Variants in NBAS observed in about 807,000 individuals in gnomAD.
NBAS encodes NAG/BC035112 fusion.
NBAS carries 219 observed loss-of-function variants against 302.5 expected under a neutral mutation model. That is an observed-to-expected ratio of 0.72 (90% CI 0.65 to 0.81). NBAS has a LOEUF of 0.81. Among genes scored for constraint, NBAS ranks in the 30% least tolerant of loss-of-function variants. The pLI, the probability that NBAS is intolerant of heterozygous loss-of-function variation, is 0.00. For missense variants in NBAS, 2,932 were observed against 2,841.6 expected, an observed-to-expected ratio of 1.03 and a Z score of -0.72; for synonymous variants, 1,118 against 1,021.6, an observed-to-expected ratio of 1.09 and a Z score of -1.80.
chr2:15,056,834 T>C, the NBAS span, among the ~76,000 whole-genome samples: 101 of 40,876 alleles, frequency 2.5e-3, no homozygotes, highest in African/African-American at 0.039. Context: ...TTTTTTTTTC[T>C]TTTTTTTTTT....
At position 15,521,935 on chromosome 2, in the gene NBAS, C is replaced by T. The variant is rs368099735; in HGVS notation, c.747-10585G>A. Reference sequence around the variant, plus strand: ...TATAGCAGAGACCATATGGCCTGCACAGTCTAAAATATTTACAATCTGCCC... The same window carrying T: ...TATAGCAGAGACCATATGGCCTGCATAGTCTAAAATATTTACAATCTGCCC... On this transcript the variant is annotated intron_variant, in intron 9 of 51. Transcript: ENST00000281513. Among the ~76,000 whole-genome samples, 9 of 152,192 alleles carry T rather than the reference C, an allele frequency of 5.9e-5. No homozygotes were observed. In the East Asian group the frequency reaches 1.7e-3, roughly 29 times the overall value.
chr2:14,901,164 T>A, the NBAS span, among the ~76,000 whole-genome samples: 2 of 152,204 alleles, frequency 1.3e-5, no homozygotes, highest in African/African-American at 2.4e-5. Flanking sequence ...AATGTCAGCA[T>A]ATATTGAGTG....
intron 21 of NBAS, among the ~76,000 whole-genome samples, chr2:15,447,047 C>T (rs540931589): frequency 3.3e-5 from 5 of 152,016 alleles, no homozygotes; most frequent in Middle Eastern, 3.4e-3. Flanking sequence ...ATACCAAAAA[C>T]GGGACAAGTA....
At chr2:14,786,594 A>C in the NBAS span, among the ~76,000 whole-genome samples, 1 of 152,164 alleles carries the variant, frequency 6.6e-6, no homozygotes, top group African/African-American at 2.4e-5. Flanking sequence ...GTAGTCATTC[A>C]GGAGCAGGTT....
At chr2:15,524,694 A>T (rs544132960) in intron 9 of NBAS, among the ~76,000 whole-genome samples, 2 of 152,300 alleles carry the variant, frequency 1.3e-5, no homozygotes, top group South Asian at 4.2e-4. Flanking sequence ...TATCCTAGTC[A>T]TTATCCCATT....
intron 10 of NBAS, among the ~76,000 whole-genome samples, chr2:15,509,670 T>C (rs748981368): frequency 1.3e-5 from 2 of 152,256 alleles, no homozygotes; most frequent in Non-Finnish European, 2.9e-5. Flanking sequence ...AATAGTTTGT[T>C]GTTTTAGAAC....
Position 15,511,358 on chromosome 2 carries a change from G to C in NBAS, c.747-8C>G, listed in dbSNP as rs1313165622. The C allele has an allele frequency of 6.2e-7, 1 of 1,612,588 alleles. No homozygotes were observed. Among genetic ancestry groups the C allele is most frequent in the Admixed American group, 1.7e-5 (1 of 59,896 alleles). ...CCACCAACAAGTAAAAGTCTAAAAA[G>C]GAGAAAATTTTTAAAAATCGATAAA... is the stretch of plus-strand genomic sequence containing the variant. On this transcript the variant is annotated splice_region_variant and splice_polypyrimidine_tract_variant and intron_variant, in intron 9 of 51. Transcript: ENST00000281513.
At chr2:14,900,379 T>C in the NBAS span, among the ~76,000 whole-genome samples, 1 of 152,226 alleles carries the variant, frequency 6.6e-6, no homozygotes, top group Non-Finnish European at 1.5e-5. Flanking sequence ...GCTTACTCTG[T>C]TCCAAGAAGA....
chr2:15,321,746 C>A (rs200826405), intron 38 of NBAS, among the ~76,000 whole-genome samples: 1 of 152,020 alleles, frequency 6.6e-6, no homozygotes, highest in African/African-American at 2.4e-5. Flanking sequence ...GAAACAGATG[C>A]TAGAGAGGAT....
chr2:14,816,309 G>A, the NBAS span, among the ~76,000 whole-genome samples: 4 of 152,214 alleles, frequency 2.6e-5, no homozygotes, highest in Admixed American at 2.6e-4. Context: ...GAGTCTCATA[G>A]GAGCATGAAC....
chr2:15,102,968 G>A, the NBAS span, among the ~76,000 whole-genome samples: 832 of 146,070 alleles, frequency 5.7e-3, 9 homozygotes, highest in African/African-American at 0.02. Flanking sequence ...TACATGGGGA[G>A]GCATTAAGGA....
chr2:15,333,052 T>C (rs1427982758), intron 35 of NBAS, among the ~76,000 whole-genome samples: 1 of 152,098 alleles, frequency 6.6e-6, no homozygotes, highest in African/African-American at 2.4e-5. Context: ...AATTACAAAA[T>C]AATAACAACT....
At chr2:15,076,704 TG>T in the NBAS span, among the ~76,000 whole-genome samples, 2 of 152,130 alleles carry the variant, frequency 1.3e-5, no homozygotes, top group Admixed American at 1.3e-4. Context: ...CACCATAAAG[TG>T]GGCTGGCAGA....
At chr2:15,081,303 G>T in the NBAS span, among the ~76,000 whole-genome samples, 2 of 152,038 alleles carry the variant, frequency 1.3e-5, no homozygotes, top group Non-Finnish European at 2.9e-5. Context: ...ACTTCTGGGG[G>T]TTTCAGGAGG....
chr2:15,287,531 C>T (rs2148092577), intron 41 of NBAS, among the ~76,000 whole-genome samples: 1 of 152,272 alleles, frequency 6.6e-6, no homozygotes, highest in Non-Finnish European at 1.5e-5. Flanking sequence ...TGGGTAGAGG[C>T]CAGGGATGCT....
chr2:15,115,673 AT>A, the NBAS span, among the ~76,000 whole-genome samples: 1,626 of 148,622 alleles, frequency 0.011, 23 homozygotes, highest in Middle Eastern at 0.035. Context: ...TGCTCAGCTA[AT>A]TTTTTTTTTT....
chr2:14,914,416 A>G, the NBAS span, among the ~76,000 whole-genome samples: 1 of 152,222 alleles, frequency 6.6e-6, no homozygotes, highest in Admixed American at 6.5e-5. Context: ...CATAATATCA[A>G]GAGAATGGGT....
chr2:15,336,490 T>C (rs1338582255), intron 35 of NBAS, among the ~76,000 whole-genome samples: 1 of 152,056 alleles, frequency 6.6e-6, no homozygotes, highest in Non-Finnish European at 1.5e-5. Flanking sequence ...TCCCAGCACT[T>C]TGGGAGGCTG....
At chr2:15,271,400 G>C (rs1013607131) in intron 44 of NBAS, among the ~76,000 whole-genome samples, 2 of 152,226 alleles carry the variant, frequency 1.3e-5, no homozygotes, top group African/African-American at 4.8e-5. Context: ...ATCCAAAGGA[G>C]ACAACATGTT....
Sources: allele counts gnomAD v4.1 joint callset (sites outside exome capture counted in the v4.1 genomes callset), GRCh38; gene constraint gnomAD v4.1.1; transcripts MANE v1.5; gene names NCBI Gene and HGNC (gene_info 2026-07-23, HGNC 2026-07-21).